Variants in GPHN observed in about 807,000 individuals in gnomAD.
The protein encoded by GPHN is gephyrin.
Under a neutral mutation model 95.5 loss-of-function variants are expected in GPHN, and 17 were observed. The observed-to-expected ratio is 0.18, with a 90% CI of 0.12 to 0.27. The LOEUF is 0.27. Among genes scored for constraint, GPHN ranks in the 10% least tolerant of loss-of-function variants. GPHN has a pLI of 1.00. For synonymous variants in GPHN, 320 were observed against 322.5 expected (o/e 0.99, Z 0.08); for missense variants, 660 against 978.1 (o/e 0.67, Z 4.34).
chr14:67,647,968 C>A, the GPHN span: 1 of 1,378,478 alleles, frequency 7.3e-7, no homozygotes. Flanking sequence ...CAAGGAGTTG[C>A]AACCATAAGA....
chr14:67,498,964 C>A, the GPHN span, among the ~76,000 whole-genome samples: 3 of 101,110 alleles, frequency 3.0e-5, no homozygotes, highest in Admixed American at 2.4e-4. Flanking sequence ...CCACTGAGCC[C>A]AGACAAGGCA....
chr14:66,682,427 C>T (rs1443553540), intron 2 of GPHN, among the ~76,000 whole-genome samples: 1 of 152,126 alleles, frequency 6.6e-6, no homozygotes, highest in Non-Finnish European at 1.5e-5. Flanking sequence ...TTTACAATTT[C>T]CTCAAAAGAC....
chr14:66,563,062 C>G (rs1169210077), intron 1 of GPHN, among the ~76,000 whole-genome samples: 1 of 152,040 alleles, frequency 6.6e-6, no homozygotes, highest in Non-Finnish European at 1.5e-5. Flanking sequence ...TGCCTACAAA[C>G]TATGCATTTA....
intron 1 of GPHN, among the ~76,000 whole-genome samples, chr14:66,555,540 G>T (rs139698362): frequency 0.012 from 1,842 of 152,148 alleles, 20 homozygotes; most frequent in Non-Finnish European, 0.018. Context: ...TGCTTTGAAA[G>T]AATATGTAGA....
the GPHN span, among the ~76,000 whole-genome samples, chr14:67,269,373 C>T: frequency 6.6e-6 from 1 of 151,586 alleles, no homozygotes; most frequent in African/African-American, 2.4e-5. Context: ...TTTTATTTCT[C>T]TTGATTTATA....
At chr14:67,334,695 G>A in the GPHN span, 1 of 152,260 alleles carries the variant, frequency 6.6e-6, no homozygotes, top group Non-Finnish European at 1.5e-5. Flanking sequence ...TGGGTTGAGG[G>A]AAGGAATGCC....
intron 10 of GPHN, among the ~76,000 whole-genome samples, chr14:67,044,775 G>GTC (rs546038158): frequency 3.3e-3 from 491 of 150,962 alleles, no homozygotes; most frequent in African/African-American, 0.011. Flanking sequence ...CCCTCTCTCT[G>GTC]TCTCTCTCTC....
chr14:67,083,235 C>G (rs1366733211), intron 11 of GPHN, among the ~76,000 whole-genome samples: 1 of 151,900 alleles, frequency 6.6e-6, no homozygotes, highest in South Asian at 2.1e-4. Flanking sequence ...CTATGCCCCC[C>G]CCCCTCCAAA....
chr14:67,102,020 C>T (rs2077729791), intron 13 of GPHN, among the ~76,000 whole-genome samples: 3 of 151,940 alleles, frequency 2.0e-5, no homozygotes, highest in Admixed American at 6.6e-5. Context: ...TACAGGCACC[C>T]GCCACCACGC....
At chr14:66,599,883 A>G (rs922671566) in intron 1 of GPHN, among the ~76,000 whole-genome samples, 5 of 152,046 alleles carry the variant, frequency 3.3e-5, no homozygotes, top group Non-Finnish European at 5.9e-5. Flanking sequence ...GCTAAAAAAT[A>G]CCTCTTAATT....
chr14:67,377,380 T>C, the GPHN span, among the ~76,000 whole-genome samples: 1 of 152,196 alleles, frequency 6.6e-6, no homozygotes, highest in Admixed American at 6.5e-5. Flanking sequence ...TCCTGGTCAG[T>C]TCTTCAGTAG....
intron 10 of GPHN, among the ~76,000 whole-genome samples, chr14:67,053,342 G>C (rs955034274): frequency 2.0e-5 from 3 of 152,032 alleles, no homozygotes; most frequent in African/African-American, 7.2e-5. Context: ...ACACCTCTAT[G>C]CAAATAAACT....
intron 1 of GPHN, among the ~76,000 whole-genome samples, chr14:66,631,054 T>G (rs2063782383): frequency 1.3e-5 from 2 of 152,048 alleles, no homozygotes; most frequent in Non-Finnish European, 2.9e-5. Context: ...GTTTTTGTTT[T>G]TGTTTGTTTT....
chr14:67,182,892 A>C (rs2083344063), downstream of GPHN, among the ~76,000 whole-genome samples: 2 of 127,656 alleles, frequency 1.6e-5, no homozygotes, highest in African/African-American at 6.2e-5. Flanking sequence ...ACTGCTCAGG[A>C]TAGAGTGCAG....
chr14:67,148,223 G>T (rs72717304), intron 18 of GPHN, among the ~76,000 whole-genome samples: 7,285 of 152,090 alleles, frequency 0.048, 199 homozygotes, highest in Middle Eastern at 0.068. Flanking sequence ...TTTAAATAAA[G>T]ATAAACAGCA....
the GPHN span, among the ~76,000 whole-genome samples, chr14:67,498,678 C>A: frequency 6.6e-6 from 1 of 152,084 alleles, no homozygotes; most frequent in East Asian, 1.9e-4. Flanking sequence ...GTTGGTTTTC[C>A]TTTTTAAGAC....
intron 5 of GPHN, among the ~76,000 whole-genome samples, chr14:66,909,289 G>A (rs988192739): frequency 2.6e-5 from 4 of 152,052 alleles, no homozygotes; most frequent in African/African-American, 9.7e-5. Flanking sequence ...TTGTTCCTGA[G>A]TGTAGTAAAA....
intron 12 of GPHN, among the ~76,000 whole-genome samples, chr14:67,094,671 C>G (rs2077278147): frequency 6.6e-6 from 1 of 152,062 alleles, no homozygotes; most frequent in South Asian, 2.1e-4. Context: ...AAACCTGTTT[C>G]TTTCATAGAT....
chr14:67,240,487 CAT>C, the GPHN span, among the ~76,000 whole-genome samples: 2 of 152,192 alleles, frequency 1.3e-5, no homozygotes, highest in Non-Finnish European at 2.9e-5. Flanking sequence ...GAGTCACAGG[CAT>C]AGTTTGGCCT....
Sources: gnomAD v4.1 joint callset for allele counts (sites outside exome capture counted in the v4.1 genomes callset) on GRCh38, gnomAD v4.1.1 for gene constraint, MANE v1.5 for transcripts, NCBI Gene and HGNC (gene_info 2026-07-23, HGNC 2026-07-21) for gene names.